The following ZFAT variants were observed in gnomAD, a reference collection of about 807,000 sequenced individuals.
ZFAT encodes zinc finger and AT-hook domain containing, also known as zinc finger protein ZFAT.
Under a neutral mutation model 117.7 loss-of-function variants are expected in ZFAT, and 64 were observed. The observed-to-expected ratio is 0.54, with a 90% CI of 0.44 to 0.67. ZFAT has a LOEUF of 0.67. ZFAT is among the 30% of genes least tolerant of loss of function. The pLI, the probability that ZFAT is intolerant of heterozygous loss-of-function variation, is 0.00. For synonymous variants in ZFAT, 679 were observed against 615.0 expected (o/e 1.10, Z -1.54); for missense variants, 1,433 against 1,584.5 (o/e 0.90, Z 1.62).
intron 1 of ZFAT, among the ~76,000 whole-genome samples, chr8:134,711,476 C>A (rs772604350): frequency 6.6e-6 from 1 of 152,160 alleles, no homozygotes; most frequent in Non-Finnish European, 1.5e-5. Flanking sequence ...ATCAGCTGGG[C>A]ACCACAGCTA....
upstream of ZFAT, among the ~76,000 whole-genome samples, chr8:134,715,407 G>A (rs576058850): frequency 2.0e-5 from 3 of 152,252 alleles, no homozygotes; most frequent in African/African-American, 7.2e-5. Flanking sequence ...ATTATTACTG[G>A]AAACTGTCCT....
chr8:134,782,921 C>G, the ZFAT span, among the ~76,000 whole-genome samples: 52 of 152,146 alleles, frequency 3.4e-4, 1 homozygote, highest in African/African-American at 1.3e-3. Flanking sequence ...CCACCCCCTA[C>G]CCCAAGCTTT....
intron 15 of ZFAT, among the ~76,000 whole-genome samples, chr8:134,492,973 G>T (rs1818159536): frequency 6.6e-6 from 1 of 152,228 alleles, no homozygotes; most frequent in Non-Finnish European, 1.5e-5. Context: ...CACAGGAAGT[G>T]AGGAAGGCCA....
chr8:134,728,436 G>A, the ZFAT span, among the ~76,000 whole-genome samples: 2 of 152,128 alleles, frequency 1.3e-5, no homozygotes, highest in Non-Finnish European at 2.9e-5. Flanking sequence ...ATCATGAAAG[G>A]TTCATGTGAA....
At chr8:134,624,729 T>C (rs975519319) in intron 3 of ZFAT, among the ~76,000 whole-genome samples, 2 of 152,190 alleles carry the variant, frequency 1.3e-5, no homozygotes, top group East Asian at 1.9e-4. Context: ...TCCGAATTTC[T>C]TACCCTTGAA....
intron 7 of ZFAT, 144 bp from the exon 8 acceptor site, chr8:134,590,499 AC>A (rs1563640838): frequency 1.6e-6 from 1 of 624,430 alleles, no homozygotes; most frequent in Non-Finnish European, 2.9e-6. Flanking sequence ...CACCACCATC[AC>A]ATCACCATCA....
chr8:134,712,413 C>A (rs1814036119), intron 1 of ZFAT, among the ~76,000 whole-genome samples: 1 of 152,124 alleles, frequency 6.6e-6, no homozygotes, highest in Non-Finnish European at 1.5e-5. Context: ...GTCCAGCCGG[C>A]GGCCGGGAAG....
the ZFAT span, among the ~76,000 whole-genome samples, chr8:134,776,476 T>G: frequency 2.0e-5 from 3 of 151,864 alleles, no homozygotes; most frequent in African/African-American, 7.3e-5. Context: ...CTAGTTATTT[T>G]ATTTTTTTGT....
the ZFAT span, among the ~76,000 whole-genome samples, chr8:134,805,955 C>T: frequency 6.6e-5 from 10 of 150,866 alleles, no homozygotes; most frequent in East Asian, 1.9e-4. Context: ...GCAGCCTGGG[C>T]GACAGAGTGA....
At chr8:134,661,698 G>T (rs1030099670) in intron 1 of ZFAT, among the ~76,000 whole-genome samples, 3 of 152,184 alleles carry the variant, frequency 2.0e-5, no homozygotes, top group Admixed American at 2.0e-4. Context: ...CAGATCTGCA[G>T]AGGAGTCAGG....
chr8:134,550,310 G>GGAAAAAAAA (rs567927266), intron 11 of ZFAT, among the ~76,000 whole-genome samples: 1 of 72,534 alleles, frequency 1.4e-5, no homozygotes, highest in African/African-American at 5.1e-5. Context: ...GGTCACAACG[G>GGAAAAAAAA]AAAAAAAAAA....
In ZFAT at chr8:134,600,659, A is replaced by G. The variant is rs1472555183; in HGVS notation, c.2252T>C (p.Phe751Ser). The G allele has an allele frequency of 6.3e-7, 1 of 1,578,178 alleles. No homozygotes were observed. Among genetic ancestry groups the G allele is most frequent in the Middle Eastern group, 1.7e-4 (1 of 5,886 alleles). ...DLECEYCGKL[F>S]WYQVHFDMHV... ...CATATCAAAATGCACTTGGTACCAA[A>G]AAAGTTTGCCTAAAAAAATATTTTC... Residue 751 changes from phenylalanine (F) to serine (S), a missense_variant, in exon 7 of 16, where the codon TTT becomes TCT. By Grantham distance (155) the Phe-to-Ser change is radical. Transcript: ENST00000377838.
intron 3 of ZFAT, among the ~76,000 whole-genome samples, chr8:134,630,365 T>G (rs1829804108): frequency 6.6e-6 from 1 of 152,206 alleles, no homozygotes; most frequent in Non-Finnish European, 1.5e-5. Flanking sequence ...CACCTGCAAA[T>G]TTTCAAACAT....
At chr8:134,692,349 A>C (rs1833624647) in intron 1 of ZFAT, among the ~76,000 whole-genome samples, 1 of 152,212 alleles carries the variant, frequency 6.6e-6, no homozygotes, top group South Asian at 2.1e-4. Flanking sequence ...ACCAAGACAA[A>C]GCACTGGAAG....
chr8:134,725,516 G>A, the ZFAT span, among the ~76,000 whole-genome samples: 80 of 152,214 alleles, frequency 5.3e-4, no homozygotes, highest in Non-Finnish European at 9.1e-4. Flanking sequence ...TCTACAGCCA[G>A]ATCTCATGAG....
intron 1 of ZFAT, among the ~76,000 whole-genome samples, chr8:134,708,388 T>C (rs1813863301): frequency 6.6e-6 from 1 of 152,162 alleles, no homozygotes; most frequent in South Asian, 2.1e-4. Flanking sequence ...CTTGATTTAA[T>C]TATTCCACAT....
At chr8:134,550,817 A>G (rs1563837698) in intron 11 of ZFAT, among the ~76,000 whole-genome samples, 1 of 152,150 alleles carries the variant, frequency 6.6e-6, no homozygotes, top group Non-Finnish European at 1.5e-5. Context: ...CCACCACCAC[A>G]TGGCCCTGCC....
chr8:134,693,083 T>C (rs1833658558), intron 1 of ZFAT, among the ~76,000 whole-genome samples: 1 of 152,254 alleles, frequency 6.6e-6, no homozygotes, highest in South Asian at 2.1e-4. Flanking sequence ...TATATGTACA[T>C]ACATACTTCT....
intron 1 of ZFAT, among the ~76,000 whole-genome samples, chr8:134,684,273 T>C (rs978298239): frequency 1.3e-5 from 2 of 152,152 alleles, no homozygotes; most frequent in African/African-American, 4.8e-5. Context: ...GTTTGGAGAT[T>C]TTCTCTGAGT....
Sources: allele counts gnomAD v4.1 joint callset (sites outside exome capture counted in the v4.1 genomes callset), GRCh38; gene constraint gnomAD v4.1.1; transcripts MANE v1.5; gene names NCBI Gene and HGNC (gene_info 2026-07-23, HGNC 2026-07-21).